Variants in STARD8 observed in about 807,000 individuals in gnomAD.
STARD8 encodes the protein stAR-related lipid transfer protein 8.
A neutral mutation model predicts 69.4 loss-of-function variants in STARD8; 25 were observed. The observed-to-expected ratio is 0.36, with a 90% CI of 0.26 to 0.50. STARD8 has a LOEUF of 0.50. Ranked by LOEUF, STARD8 falls within the 20% of genes least tolerant of loss-of-function variation. STARD8 has a pLI of 0.96. For missense variants in STARD8, 921 were observed against 932.5 expected (o/e 0.99, Z 0.16); for synonymous variants, 389 against 374.6 (o/e 1.04, Z -0.45).
chrX:68,661,369 G>A (rs771700692), intron 1 of STARD8, among the ~76,000 whole-genome samples: 3 of 111,858 alleles, frequency 2.7e-5, no homozygotes, highest in Non-Finnish European at 3.8e-5. Context: ...TCTGGCTTTC[G>A]CATTTGCACT....
At chrX:68,650,841 CTGGTGGG>C (rs1436635148) in intron 1 of STARD8, among the ~76,000 whole-genome samples, 2 of 110,108 alleles carry the variant, frequency 1.8e-5, no homozygotes, top group Non-Finnish European at 3.8e-5. Flanking sequence ...CAAAACAAAA[CTGGTGGG>C]CTAGGACAGC....
chrX:68,675,654 G>A (rs897194790), intron 2 of STARD8, among the ~76,000 whole-genome samples: 10 of 110,953 alleles, frequency 9.0e-5, no homozygotes, highest in African/African-American at 2.3e-4. Context: ...ATGAGCCCCC[G>A]GGCCTCTGGG....
At chrX:68,653,603 C>G (rs1172275718) in intron 1 of STARD8, among the ~76,000 whole-genome samples, 2 of 32,329 alleles carry the variant, frequency 6.2e-5, no homozygotes, top group Non-Finnish European at 1.2e-4. Flanking sequence ...CACAAGCACA[C>G]ACACCCCACC....
intron 2 of STARD8, among the ~76,000 whole-genome samples, chrX:68,668,393 G>T (rs185001773): frequency 9.6e-6 from 1 of 104,243 alleles, no homozygotes; most frequent in Non-Finnish European, 1.9e-5. Flanking sequence ...GTGCAGCATA[G>T]CTCACTGCGG....
intron 1 of STARD8, chrX:68,655,978 G>C (rs189351133): frequency 2.7e-5 from 3 of 112,144 alleles, no homozygotes; most frequent in Non-Finnish European, 5.6e-5. Flanking sequence ...TGAGGTTGGA[G>C]ACATGTGAGG....
At chrX:68,668,101 C>CTTTCTTTCTTTCTTTCTTTCT (rs1556021512) in intron 2 of STARD8, among the ~76,000 whole-genome samples, 42 of 96,771 alleles carry the variant, frequency 4.3e-4, no homozygotes, top group African/African-American at 1.3e-3. Flanking sequence ...TTCTTTCTTT[C>CTTTCTTTCTTTCTTTCTTTCT]TTTCTTTCTT....
intron 2 of STARD8, among the ~76,000 whole-genome samples, chrX:68,695,912 A>G (rs1247903403): frequency 2.7e-5 from 3 of 111,975 alleles, no homozygotes; most frequent in Non-Finnish European, 3.8e-5. Flanking sequence ...GGAGTCTCCA[A>G]TTGGGAAGCT....
At chrX:68,663,381 T>C (rs1229162278) in intron 1 of STARD8, among the ~76,000 whole-genome samples, 1 of 112,170 alleles carries the variant, frequency 8.9e-6, no homozygotes, top group East Asian at 2.8e-4. Context: ...TACCTTGACC[T>C]TGAGCAAATC....
intron 2 of STARD8, among the ~76,000 whole-genome samples, chrX:68,672,131 A>G (rs1286904660): frequency 2.7e-5 from 3 of 111,148 alleles, no homozygotes; most frequent in Non-Finnish European, 5.7e-5. Context: ...ATCCTTTTTC[A>G]TTCTATACTG....
At chrX:68,715,029 G>T (rs779373087) in intron 3 of STARD8, among the ~76,000 whole-genome samples, 9 of 111,808 alleles carry the variant, frequency 8.0e-5, no homozygotes, top group Non-Finnish European at 1.5e-4. Flanking sequence ...GCAGCCACCC[G>T]GGGTCTTGGG....
At chrX:68,688,503 CCTG>C (rs1397343521) in intron 2 of STARD8, among the ~76,000 whole-genome samples, 3,932 of 108,559 alleles carry the variant, frequency 0.036, 179 homozygotes, top group African/African-American at 0.087. Context: ...GACGATGGAA[CCTG>C]TGAATGGGAA....
At position 68,720,973 on chromosome X, in the gene STARD8, G is replaced by A. The variant is rs779051740; in HGVS notation, c.2099G>A (p.Arg700His). The A allele has an allele frequency of 3.3e-6, 4 of 1,211,552 alleles. No homozygotes were observed. The highest frequency in any genetic ancestry group is 1.8e-5 in the South Asian group (1 of 56,917). Residue 700 changes from arginine (R) to histidine (H), a missense_variant, in exon 9 of 15, where the codon CGT becomes CAT. Coordinates refer to ENST00000374599, the MANE Select transcript of STARD8 (RefSeq NM_001142503.3). ...SGVKSRIQNLRQMNETSPDNV... is the reference protein window; with the variant it reads ...SGVKSRIQNLHQMNETSPDNV... ...GTCAAGTCCAGGATCCAGAACCTGC[G>A]TCAAATGAATGAGACCTCGCCTGAC...
intron 2 of STARD8, among the ~76,000 whole-genome samples, chrX:68,681,154 C>T (rs1476922085): frequency 9.0e-6 from 1 of 111,422 alleles, no homozygotes; most frequent in Non-Finnish European, 1.9e-5. Flanking sequence ...AATTATCCTT[C>T]CCATTTTACT....
chrX:68,711,795 G>C (rs1378747384), intron 2 of STARD8, among the ~76,000 whole-genome samples: 1 of 112,315 alleles, frequency 8.9e-6, no homozygotes, highest in Non-Finnish European at 1.9e-5. Flanking sequence ...CCTCTGGTCA[G>C]GGGGGCCAGG....
chrX:68,687,254 G>A (rs868259499), intron 2 of STARD8, among the ~76,000 whole-genome samples: 42 of 110,305 alleles, frequency 3.8e-4, no homozygotes, highest in African/African-American at 1.3e-3. Flanking sequence ...TAATCAACTC[G>A]CATTGCCTGG....
intron 2 of STARD8, among the ~76,000 whole-genome samples, chrX:68,677,721 T>C (rs1381628066): frequency 9.0e-6 from 1 of 111,319 alleles, no homozygotes; most frequent in East Asian, 2.8e-4. Flanking sequence ...TGCCCCAGTG[T>C]GCTTTCATTA....
rs1247241957 is a variant in STARD8, at chrX:68,717,782, C to T, written c.868C>T (p.Gln290Ter). The change falls in exon 6 of 15, where the codon CAG becomes TAG. Residue 290 changes from glutamine (Q) to a stop codon, truncating the protein, a stop_gained. Coordinates refer to ENST00000374599, the MANE Select transcript of STARD8 (RefSeq NM_001142503.3). LOFTEE classifies it high-confidence loss of function. Reference sequence around the variant, plus strand: ...GCCTGTGGCCTCGTTCCGGCATCCTCAGTGGACACACCGGGGTGATTGCCT... The same window carrying T: ...GCCTGTGGCCTCGTTCCGGCATCCTTAGTGGACACACCGGGGTGATTGCCT... The part of the protein sequence containing the change: ...AWPVASFRHP[Q>*]WTHRGDCLVH... 8.3e-7 allele frequency: 1 copy of T among 1,210,609 alleles called. No homozygotes were observed. The highest frequency in any genetic ancestry group is 1.7e-5 in the African/African-American group (1 of 57,440).
intron 1 of STARD8, among the ~76,000 whole-genome samples, chrX:68,655,599 C>T (rs2079606528): frequency 1.8e-5 from 2 of 111,856 alleles, no homozygotes; most frequent in Admixed American, 1.9e-4. Context: ...GGCCCATGGG[C>T]TAGAGCAAAA....
In STARD8 at chrX:68,718,577, C is replaced by T; in HGVS notation, c.1663C>T (p.Pro555Ser). Reference sequence around the variant, plus strand: ...CCTGGCTGGACTCCAGGCATCAATGCCCCGTGAACGGCGCGATTCAGGTGT... The same window carrying T: ...CCTGGCTGGACTCCAGGCATCAATGTCCCGTGAACGGCGCGATTCAGGTGT... ...GPLAGLQASM[P>S]RERRDSGVGA... The change falls in exon 6 of 15, where the codon CCC becomes TCC. Residue 555 changes from proline (P) to serine (S), a missense_variant. Transcript: ENST00000374599. 1 of 1,210,039 alleles carries T rather than the reference C, an allele frequency of 8.3e-7. No homozygotes were observed. The highest frequency in any genetic ancestry group is 1.1e-6 in the Non-Finnish European group (1 of 894,679).
Sources: gnomAD v4.1 joint callset for allele counts (sites outside exome capture counted in the v4.1 genomes callset) on GRCh38, gnomAD v4.1.1 for gene constraint, MANE v1.5 for transcripts, NCBI Gene and HGNC (gene_info 2026-07-23, HGNC 2026-07-21) for gene names.